Variants in LOXL2 observed in about 807,000 individuals in gnomAD.
The protein encoded by LOXL2 is lysyl oxidase like 2.
Under a neutral mutation model 93.0 loss-of-function variants are expected in LOXL2, and 70 were observed. The observed-to-expected ratio is 0.75, with a 90% confidence interval of 0.62 to 0.92. The LOEUF is 0.92. LOXL2 is among the 40% of genes least tolerant of loss of function. The probability of loss-of-function intolerance (pLI) is 0.00; values close to 1 mark genes in which losing one functional copy is unlikely to be tolerated. For synonymous variants in LOXL2, 438 were observed against 413.2 expected (o/e 1.06, Z -0.73); for missense variants, 973 against 1,054.9 (o/e 0.92, Z 1.08).
chr8:23,335,190 C>A (rs1218196245), intron 4 of LOXL2, among the ~76,000 whole-genome samples: 1 of 152,080 alleles, frequency 6.6e-6, no homozygotes, highest in Non-Finnish European at 1.5e-5. Flanking sequence ...GCAGGAGACC[C>A]CCTCACCCCA....
chr8:23,369,579 T>A (rs1804465699), intron 1 of LOXL2, among the ~76,000 whole-genome samples: 1 of 152,152 alleles, frequency 6.6e-6, no homozygotes, highest in Non-Finnish European at 1.5e-5. Context: ...GGAGGGATGA[T>A]CTGCCTTGGA....
At chr8:23,316,004 C>T (rs763184688) in intron 9 of LOXL2, among the ~76,000 whole-genome samples, 9 of 152,182 alleles carry the variant, frequency 5.9e-5, no homozygotes, top group Non-Finnish European at 1.3e-4. Context: ...CGCCATCTCT[C>T]CTCTCACAAG....
chr8:23,370,126 C>A (rs4872115), intron 1 of LOXL2, among the ~76,000 whole-genome samples: 1 of 151,912 alleles, frequency 6.6e-6, no homozygotes, highest in African/African-American at 2.4e-5. Flanking sequence ...CCTACCTTCC[C>A]TGCTTCGGTT....
chr8:23,393,260 T>G (rs1223267262), intron 1 of LOXL2, among the ~76,000 whole-genome samples: 1 of 152,224 alleles, frequency 6.6e-6, no homozygotes, highest in African/African-American at 2.4e-5. Flanking sequence ...GCCAAAACAA[T>G]TCTGAAAAGG....
intron 1 of LOXL2, chr8:23,385,939 C>T (rs1411002515): frequency 5.2e-6 from 4 of 765,164 alleles, no homozygotes; most frequent in Admixed American, 5.1e-5. Flanking sequence ...CAATTCCAAG[C>T]AGCACATTGC....
chr8:23,368,148 G>T lies in LOXL2; in HGVS notation c.204C>A (p.Ser68Arg). 3 of 1,614,086 alleles carry T rather than the reference G, an allele frequency of 1.9e-6. No homozygotes were observed. The highest frequency in any genetic ancestry group is 2.5e-6 in the Non-Finnish European group (3 of 1,180,020). The change falls in exon 2 of 14, where the codon AGC becomes AGA. Residue 68 changes from serine to arginine, a missense_variant. By Grantham distance (110) the Ser-to-Arg change is moderately radical. Coordinates refer to ENST00000389131, the MANE Select transcript of LOXL2 (RefSeq NM_002318.3). ...LRLAGQKRKH[S>R]EGRVEVYYDG... ...CATAGTACACCTCCACCCGGCCCTCGCTGTGCTTCCTCTTCTGCCCAGCCA... is the reference window on the plus strand; with the variant it reads ...CATAGTACACCTCCACCCGGCCCTCTCTGTGCTTCCTCTTCTGCCCAGCCA...
chr8:23,380,994 G>T (rs1425350988), intron 1 of LOXL2, among the ~76,000 whole-genome samples: 1 of 152,016 alleles, frequency 6.6e-6, no homozygotes, highest in Non-Finnish European at 1.5e-5. Flanking sequence ...AACAGAGAGA[G>T]ACTCTGTCTC....
At chr8:23,403,458 G>C (rs1479925876) in intron 1 of LOXL2, among the ~76,000 whole-genome samples, 19 of 151,946 alleles carry the variant, frequency 1.3e-4, no homozygotes, top group Admixed American at 9.8e-4. Context: ...CGCAGCCCCC[G>C]GGGTCCCCGC....
intron 1 of LOXL2, among the ~76,000 whole-genome samples, chr8:23,397,454 A>G (rs761933909): frequency 5.3e-5 from 8 of 152,160 alleles, no homozygotes; most frequent in Non-Finnish European, 1.0e-4. Context: ...TAGATATGCT[A>G]TTCTTGGGGT....
rs1043998211 is a variant in LOXL2, at chr8:23,403,744, C to A, written c.-84+210G>T. 7.2e-5 allele frequency among the ~76,000 whole-genome samples: 11 copies of A among 152,086 alleles called. No individual in the cohort carries two copies. The South Asian group carries it at 1.2e-3, about 17-fold the overall frequency. ...GCAGCCGCGCCGCGCCCGGCCCGTA[C>A]GAGGTGGGGTTGGGCGGGGCCGCCC... On this transcript the variant is annotated intron_variant, in intron 1 of 13. Transcript: ENST00000389131.
chr8:23,332,659 AC>A (rs544583776), intron 5 of LOXL2, among the ~76,000 whole-genome samples: 188 of 30,852 alleles, frequency 6.1e-3, no homozygotes, highest in African/African-American at 9.4e-3. Context: ...ACGCTCATAC[AC>A]CCCCCCACAC....
At chr8:23,341,602 A>G (rs1240898767) in intron 3 of LOXL2, 1 of 305,744 alleles carries the variant, frequency 3.3e-6, no homozygotes, top group African/African-American at 2.2e-5. Context: ...ATTTCACTCC[A>G]AAGTATGTGT....
chr8:23,398,560 CACT>C (rs1252847795), intron 1 of LOXL2, among the ~76,000 whole-genome samples: 1 of 152,214 alleles, frequency 6.6e-6, no homozygotes, highest in African/African-American at 2.4e-5. Flanking sequence ...CTGCCACACA[CACT>C]ACTTGCCTGG....
In LOXL2 at chr8:23,328,517, C is replaced by G. The variant is rs138663166; in HGVS notation, c.1015G>C (p.Val339Leu). 6 of 1,613,990 alleles carry G rather than the reference C, an allele frequency of 3.7e-6. No individual in the cohort carries two copies. The African/African-American group carries it at 8.0e-5, about 22-fold the overall frequency. ...RGGAYIGEGR[V>L]EVLKNGEWGT... ...CATTCTCCATTTTTGAGCACCTCCACGCGGCCCTCCCCGATGTAGGCACCG... is the reference window on the plus strand; with the variant it reads ...CATTCTCCATTTTTGAGCACCTCCAGGCGGCCCTCCCCGATGTAGGCACCG... Residue 339 changes from valine (V) to leucine (L), a missense_variant, in exon 6 of 14, where the codon GTG (valine) becomes CTG (leucine). Transcript: ENST00000389131.
chr8:23,328,517 C>T lies in LOXL2; in HGVS notation c.1015G>A (p.Val339Met), dbSNP rs138663166. ...RGGAYIGEGR[V>M]EVLKNGEWGT... ...CATTCTCCATTTTTGAGCACCTCCACGCGGCCCTCCCCGATGTAGGCACCG... is the reference window on the plus strand; with the variant it reads ...CATTCTCCATTTTTGAGCACCTCCATGCGGCCCTCCCCGATGTAGGCACCG... The change falls in exon 6 of 14, where the codon GTG becomes ATG. Residue 339 changes from valine (V) to methionine (M), a missense_variant. By Grantham distance (21) the Val-to-Met change is conservative. Transcript: ENST00000389131. 63 of 1,613,988 alleles carry T rather than the reference C, an allele frequency of 3.9e-5. No individual in the cohort carries two copies. The African/African-American group carries it at 4.1e-4, about 11-fold the overall frequency.
At chr8:23,357,822 T>G (rs1407363919) in intron 3 of LOXL2, among the ~76,000 whole-genome samples, 1 of 152,224 alleles carries the variant, frequency 6.6e-6, no homozygotes, top group Non-Finnish European at 1.5e-5. Flanking sequence ...AGAAATTATT[T>G]GCTTCCATGT....
intron 1 of LOXL2, among the ~76,000 whole-genome samples, chr8:23,383,663 T>G (rs1199116325): frequency 2.2e-4 from 21 of 96,996 alleles, no homozygotes; most frequent in Admixed American, 8.1e-4. Context: ...TTTTGTTTTT[T>G]TTTTTTTTTT....
chr8:23,340,942 T>C, intron 4 of LOXL2, 50 bp downstream of exon 4: 1 of 1,519,438 alleles, frequency 6.6e-7, no homozygotes, highest in South Asian at 1.1e-5. Context: ...TTAACTCTTT[T>C]AGGCAGGGCG....
rs1480855490 is a variant in LOXL2 at position 23,302,081 on chromosome 8, G to A, written c.2079C>T (p.Ile693=). The A allele has an allele frequency of 2.9e-5, 46 of 1,614,036 alleles. No homozygotes were observed. The highest frequency in any genetic ancestry group is 4.5e-5 in the East Asian group (2 of 44,896). The change falls in exon 12 of 14, where the codon ATC becomes ATT. Residue 693 remains isoleucine (I), a synonymous_variant. Transcript: ENST00000389131. ...MGCWDMYRHD[I]DCQWVDITDV... is the part of the protein sequence containing the mutation. ...CAGTGATGTCAACCCACTGGCAGTCGATGTCATGGCGGTACATGTCCCAGC... is the reference window on the plus strand; with the variant it reads ...CAGTGATGTCAACCCACTGGCAGTCAATGTCATGGCGGTACATGTCCCAGC...
Sources: allele counts gnomAD v4.1 joint callset (sites outside exome capture counted in the v4.1 genomes callset), GRCh38; gene constraint gnomAD v4.1.1; transcripts MANE v1.5; gene names NCBI Gene and HGNC (gene_info 2026-07-23, HGNC 2026-07-21).